NHERF1: variants seen among roughly 807,000 people sequenced by gnomAD.
The protein encoded by NHERF1 is NHERF family PDZ scaffold protein 1.
the NHERF1 span, chr17:74,763,593 A>G: frequency 6.7e-7 from 1 of 1,481,902 alleles, no homozygotes; most frequent in South Asian, 1.2e-5. Context: ...CAGGGCTAAG[A>G]CTGCTGGGTC....
At chr17:74,751,933 T>C in the NHERF1 span, among the ~76,000 whole-genome samples, 1 of 152,234 alleles carries the variant, frequency 6.6e-6, no homozygotes, top group Non-Finnish European at 1.5e-5. The surrounding 1 kb of genome is among the most constrained non-coding windows in gnomAD (Gnocchi z 4.3). Flanking sequence ...AGGCTGTGTG[T>C]AAAGCACGTA....
At chr17:74,749,330 G>C in the NHERF1 span, 1 of 1,482,164 alleles carries the variant, frequency 6.7e-7, no homozygotes, top group South Asian at 1.3e-5. The surrounding 1 kb of genome is among the most constrained non-coding windows in gnomAD (Gnocchi z 5.6). Context: ...GGAGTGGGAG[G>C]AGGATCCGGA....
chr17:74,755,956 GT>G, the NHERF1 span, among the ~76,000 whole-genome samples: 207 of 141,568 alleles, frequency 1.5e-3, no homozygotes, highest in Non-Finnish European at 1.3e-3. Context: ...TATTTTTCCT[GT>G]TTTTTTTTTT....
the NHERF1 span, chr17:74,763,656 A>G: frequency 5.5e-5 from 47 of 862,290 alleles, no homozygotes; most frequent in East Asian, 1.2e-3. Context: ...CTCCTCCTTC[A>G]TGGGAGGCCC....
the NHERF1 span, among the ~76,000 whole-genome samples, chr17:74,757,558 CT>C: frequency 3.3e-5 from 5 of 152,214 alleles, 1 homozygote; most frequent in Middle Eastern, 6.8e-3. Context: ...CCTGGAGCCC[CT>C]GGTCACTTCC....
chr17:74,759,285 C>T, the NHERF1 span, among the ~76,000 whole-genome samples: 1 of 152,242 alleles, frequency 6.6e-6, no homozygotes, highest in African/African-American at 2.4e-5. Flanking sequence ...GGCACCTGAG[C>T]CCCTCAGGCT....
the NHERF1 span, among the ~76,000 whole-genome samples, chr17:74,750,478 A>C: frequency 1.6e-4 from 24 of 152,146 alleles, no homozygotes; most frequent in Non-Finnish European, 3.1e-4. Context: ...TAGAGGATCA[A>C]CTGGTTTGGT....
the NHERF1 span, chr17:74,768,503 C>T: frequency 6.2e-7 from 1 of 1,614,062 alleles, no homozygotes; most frequent in Non-Finnish European, 8.5e-7. Flanking sequence ...AACAGGACTC[C>T]ACAGCGCCCT....
the NHERF1 span, among the ~76,000 whole-genome samples, chr17:74,749,969 C>T: frequency 6.6e-6 from 1 of 152,180 alleles, no homozygotes; most frequent in Non-Finnish European, 1.5e-5. The surrounding 1 kb of genome is among the most constrained non-coding windows in gnomAD (Gnocchi z 5.6). Context: ...TCTGCCACCT[C>T]AGAGGATTTA....
At chr17:74,749,885 A>G in the NHERF1 span, among the ~76,000 whole-genome samples, 1 of 152,134 alleles carries the variant, frequency 6.6e-6, no homozygotes, top group Admixed American at 6.5e-5. The surrounding 1 kb of genome is among the most constrained non-coding windows in gnomAD (Gnocchi z 5.6). Context: ...AAGGGAGAGG[A>G]AGCCCCACCA....
At chr17:74,749,309 C>A in the NHERF1 span, 4 of 1,523,274 alleles carry the variant, frequency 2.6e-6, no homozygotes, top group African/African-American at 1.4e-5. The surrounding 1 kb of genome is among the most constrained non-coding windows in gnomAD (Gnocchi z 5.6). Context: ...CCAAGCCGCG[C>A]AGGCTGGCAT....
At chr17:74,764,338 C>T in the NHERF1 span, among the ~76,000 whole-genome samples, 3 of 152,212 alleles carry the variant, frequency 2.0e-5, no homozygotes, top group East Asian at 5.8e-4. This position sits in a 1 kb window ranked among gnomAD's most constrained non-coding sequence, Gnocchi z 4.9. Context: ...TGCAAGGGCC[C>T]ACTGGGGAGG....
At chr17:74,759,116 A>C in the NHERF1 span, among the ~76,000 whole-genome samples, 2 of 152,150 alleles carry the variant, frequency 1.3e-5, no homozygotes, top group South Asian at 2.1e-4. Context: ...CTTGGGAAGG[A>C]GGCTCTGCAG....
the NHERF1 span, among the ~76,000 whole-genome samples, chr17:74,749,956 G>A: frequency 6.6e-6 from 1 of 152,346 alleles, no homozygotes; most frequent in Middle Eastern, 3.4e-3. This position sits in a 1 kb window ranked among gnomAD's most constrained non-coding sequence, Gnocchi z 5.6. Flanking sequence ...TCGGAGTGGT[G>A]GTTCTGCCAC....
the NHERF1 span, chr17:74,748,872 C>T: frequency 1.7e-5 from 27 of 1,595,292 alleles, no homozygotes; most frequent in East Asian, 3.8e-4. This position sits in a 1 kb window ranked among gnomAD's most constrained non-coding sequence, Gnocchi z 4.3. Context: ...GCGGCCGGGG[C>T]GCCCCTGCCC....
chr17:74,749,377 G>A, the NHERF1 span: 4 of 1,275,650 alleles, frequency 3.1e-6, no homozygotes, highest in Middle Eastern at 5.4e-4. The surrounding 1 kb of genome is among the most constrained non-coding windows in gnomAD (Gnocchi z 5.6). Context: ...CCCCGCGCCC[G>A]CCGTCGTTTT....
the NHERF1 span, among the ~76,000 whole-genome samples, chr17:74,767,274 A>G: frequency 3.9e-5 from 6 of 152,294 alleles, no homozygotes; most frequent in East Asian, 1.2e-3. Context: ...CTTCCCCCCA[A>G]GAACAGAGCT....
At chr17:74,750,304 G>A in the NHERF1 span, among the ~76,000 whole-genome samples, 1 of 152,208 alleles carries the variant, frequency 6.6e-6, no homozygotes, top group Non-Finnish European at 1.5e-5. Flanking sequence ...AGAGAGTGGA[G>A]TGGTGCATTG....
chr17:74,759,986 G>A, the NHERF1 span, among the ~76,000 whole-genome samples: 2 of 152,156 alleles, frequency 1.3e-5, no homozygotes, highest in Non-Finnish European at 2.9e-5. Context: ...GTTGGAGGAG[G>A]TCACTAGAGC....
Sources: allele counts gnomAD v4.1 joint callset (sites outside exome capture counted in the v4.1 genomes callset), GRCh38; gene constraint gnomAD v4.1.1; non-coding constraint Gnocchi (gnomAD v3.1); transcripts MANE v1.5; gene names NCBI Gene and HGNC (gene_info 2026-07-23, HGNC 2026-07-21).